The following SYT1 variants were observed in gnomAD, a reference collection of about 807,000 sequenced individuals.
SYT1 encodes the protein synaptotagmin-1.
In SYT1, 8 loss-of-function variants were observed where a neutral mutation model predicts 44.8. The observed-to-expected ratio is 0.18, with a 90% CI of 0.10 to 0.32. The LOEUF (loss-of-function observed/expected upper bound fraction) is 0.32. SYT1 is among the 10% of genes least tolerant of loss of function. The pLI is 1.00. For missense variants in SYT1, 286 were observed against 509.3 expected (o/e 0.56, Z 4.22); for synonymous variants, 154 against 188.8 (o/e 0.82, Z 1.51).
At chr12:79,072,204 A>T (rs948728500) in intron 3 of SYT1, among the ~76,000 whole-genome samples, 1 of 152,136 alleles carries the variant, frequency 6.6e-6, no homozygotes, top group Non-Finnish European at 1.5e-5. Flanking sequence ...CCAATTAAAG[A>T]TGGGGTAAAA....
At chr12:79,438,732 C>A (rs553157767) in intron 9 of SYT1, among the ~76,000 whole-genome samples, 44 of 152,320 alleles carry the variant, frequency 2.9e-4, no homozygotes, top group African/African-American at 1.0e-3. Context: ...GGTCACCATG[C>A]TAGGATCCTC....
At chr12:79,369,881 G>C (rs1312300691) in intron 9 of SYT1, among the ~76,000 whole-genome samples, 1 of 152,278 alleles carries the variant, frequency 6.6e-6, no homozygotes, top group East Asian at 1.9e-4. Flanking sequence ...CAAACTATGA[G>C]AATTTAGTAT....
chr12:79,324,152 A>G (rs1881500555), intron 8 of SYT1, among the ~76,000 whole-genome samples: 1 of 151,838 alleles, frequency 6.6e-6, no homozygotes, highest in Non-Finnish European at 1.5e-5. Context: ...GGGTTTCACC[A>G]TGTTGTTCAG....
chr12:79,198,503 T>C (rs906742162), intron 3 of SYT1, among the ~76,000 whole-genome samples: 4 of 151,400 alleles, frequency 2.6e-5, no homozygotes, highest in Non-Finnish European at 4.4e-5. Context: ...AAATTGATTT[T>C]ATGCAATACA....
At chr12:79,312,252 A>G (rs1284715628) in intron 8 of SYT1, among the ~76,000 whole-genome samples, 3 of 152,100 alleles carry the variant, frequency 2.0e-5, no homozygotes, top group African/African-American at 7.2e-5. Flanking sequence ...GTTACTGGAA[A>G]TTTATTGGAC....
intron 1 of SYT1, among the ~76,000 whole-genome samples, chr12:78,923,431 T>C (rs1450078945): frequency 6.6e-6 from 1 of 151,940 alleles, no homozygotes; most frequent in African/African-American, 2.4e-5. Context: ...AAGTAGTGAC[T>C]AAAAGTTTAG....
At chr12:79,115,908 G>A (rs1340593930) in intron 3 of SYT1, among the ~76,000 whole-genome samples, 1 of 152,084 alleles carries the variant, frequency 6.6e-6, no homozygotes, top group Admixed American at 6.6e-5. Flanking sequence ...AATCAAATAT[G>A]CAGTAAGTTC....
chr12:79,044,388 T>G (rs1473029778), intron 2 of SYT1, among the ~76,000 whole-genome samples: 1 of 152,140 alleles, frequency 6.6e-6, no homozygotes, highest in South Asian at 2.1e-4. Context: ...CATCTTCTAT[T>G]GCTGATACCC....
chr12:79,241,468 C>A (rs773164613), intron 4 of SYT1, among the ~76,000 whole-genome samples: 9 of 152,022 alleles, frequency 5.9e-5, no homozygotes, highest in Non-Finnish European at 1.2e-4. Flanking sequence ...GATGGGGTTT[C>A]GCCATGTTGG....
At chr12:79,273,954 C>T (rs1279548717) in intron 4 of SYT1, among the ~76,000 whole-genome samples, 2 of 152,082 alleles carry the variant, frequency 1.3e-5, no homozygotes, top group Non-Finnish European at 1.5e-5. Flanking sequence ...CGTGGTGGCA[C>T]GCACTGGTAG....
chr12:79,087,451 A>G (rs1490142062), intron 3 of SYT1, among the ~76,000 whole-genome samples: 1 of 152,090 alleles, frequency 6.6e-6, no homozygotes, highest in Non-Finnish European at 1.5e-5. Flanking sequence ...GTTAGTCACA[A>G]TTTGTGTTGC....
rs541601271 is a variant in SYT1 at position 79,332,934 on chromosome 12, G to A, written c.811-20568G>A. Among the ~76,000 whole-genome samples the A allele has an allele frequency of 7.2e-5, 11 of 152,224 alleles. No individual in the cohort carries two copies. The South Asian group carries it at 2.3e-3, about 32-fold the overall frequency. ...AATCTAATTATATTATTTTCACAGT[G>A]ACATTATGAAACTATCCAGTAGATG... On this transcript the variant is annotated intron_variant, in intron 8 of 10. Coordinates refer to ENST00000261205, the MANE Select transcript of SYT1 (RefSeq NM_005639.3).
chr12:79,168,555 T>A (rs1838839998), intron 3 of SYT1, among the ~76,000 whole-genome samples: 1 of 152,050 alleles, frequency 6.6e-6, no homozygotes, highest in African/African-American at 2.4e-5. Flanking sequence ...CATTTTAAAT[T>A]TTTCTGATAT....
chr12:78,893,045 C>T lies in SYT1; in HGVS notation c.-217+27936C>T, dbSNP rs1202501468. ...TGGCCTTTGCCATCAAAAATATTTA[C>T]CAATCTCCACTAGGATTGTGCAGAT... On this transcript the variant is annotated intron_variant, in intron 1 of 10. Transcript: ENST00000261205. Among the ~76,000 whole-genome samples the T allele has an allele frequency of 2.6e-5, 4 of 151,816 alleles. No individual in the cohort carries two copies. In the South Asian group the frequency reaches 8.3e-4, roughly 31 times the overall value.
At chr12:78,904,403 G>A (rs528272540) in intron 1 of SYT1, among the ~76,000 whole-genome samples, 9 of 152,192 alleles carry the variant, frequency 5.9e-5, no homozygotes, top group African/African-American at 1.7e-4. Context: ...AGTATTCAAT[G>A]AGCACCTACT....
chr12:79,345,713 G>A (rs1342861971), intron 8 of SYT1, among the ~76,000 whole-genome samples: 2 of 152,116 alleles, frequency 1.3e-5, no homozygotes, highest in Non-Finnish European at 1.5e-5. Context: ...AGTAATGCAG[G>A]AATAAAATGA....
intron 8 of SYT1, among the ~76,000 whole-genome samples, chr12:79,336,145 A>T (rs1458898636): frequency 6.6e-6 from 1 of 152,176 alleles, no homozygotes; most frequent in Non-Finnish European, 1.5e-5. Flanking sequence ...TCTGAGGTTC[A>T]CATCAAACTC....
intron 2 of SYT1, among the ~76,000 whole-genome samples, chr12:79,007,825 T>C (rs1347914157): frequency 6.6e-6 from 1 of 151,994 alleles, no homozygotes; most frequent in Non-Finnish European, 1.5e-5. Context: ...CAGAAGAGTA[T>C]GTGGGAAGTA....
chr12:79,347,326 G>T (rs2135990372), intron 8 of SYT1, among the ~76,000 whole-genome samples: 1 of 152,176 alleles, frequency 6.6e-6, no homozygotes, highest in African/African-American at 2.4e-5. Context: ...CTGAAAAGAT[G>T]CTCACCCAAG....
Sources: allele counts gnomAD v4.1 joint callset (sites outside exome capture counted in the v4.1 genomes callset), GRCh38; gene constraint gnomAD v4.1.1; transcripts MANE v1.5; gene names NCBI Gene and HGNC (gene_info 2026-07-23, HGNC 2026-07-21).